The following PCDHA2 variants were observed in gnomAD, a reference collection of about 807,000 sequenced individuals.
PCDHA2 encodes the protein protocadherin alpha 2, also known as protocadherin alpha-2.
A neutral mutation model predicts 66.0 loss-of-function variants in PCDHA2; 58 were observed. The observed-to-expected ratio is 0.88, with a 90% CI of 0.71 to 1.09. The LOEUF is 1.09. PCDHA2 is among the 50% of genes least tolerant of loss of function. PCDHA2 has a pLI of 0.00. For missense variants in PCDHA2, 1,267 were observed against 1,242.3 expected (o/e 1.02, Z -0.30); for synonymous variants, 634 against 554.0 (o/e 1.14, Z -2.03).
chr5:140,983,901 AT>A (rs782712573), intron 3 of PCDHA2, among the ~76,000 whole-genome samples: 20 of 152,338 alleles, frequency 1.3e-4, no homozygotes, highest in Non-Finnish European at 2.6e-4. Context: ...GCATTCGTTG[AT>A]TCTAATCAGC....
intron 1 of PCDHA2, chr5:140,926,893 A>G: frequency 1.3e-6 from 2 of 1,547,320 alleles, no homozygotes; most frequent in Non-Finnish European, 1.7e-6. Context: ...TAGAGGGAGG[A>G]TGGTGGGCTG....
intron 1 of PCDHA2, chr5:140,834,281 C>T (rs1772882234): frequency 2.7e-6 from 3 of 1,125,172 alleles, no homozygotes; most frequent in South Asian, 1.5e-5. Flanking sequence ...TCTTTGGATG[C>T]ACAACAATGG....
intron 1 of PCDHA2, among the ~76,000 whole-genome samples, chr5:140,971,158 C>T (rs1554233066): frequency 6.6e-6 from 1 of 152,172 alleles, no homozygotes; most frequent in African/African-American, 2.4e-5. Context: ...AGGCCAGGCT[C>T]AGCTTTGCCA....
In PCDHA2 at chr5:141,010,583, G is replaced by A. The variant is rs1186884021; in HGVS notation, c.*646G>A. The A allele has an allele frequency of 4.1e-5, 10 of 242,992 alleles. No individual in the cohort carries two copies. The highest frequency in any genetic ancestry group is 3.6e-4 in the Admixed American group (7 of 19,606). 15.1% of individuals were successfully genotyped at this position (242,992 alleles called of 1,614,324 possible). A position where few individuals can be genotyped will look rare whatever the true frequency, so the allele number is the denominator to read the frequency against. The stretch of plus-strand genomic sequence containing the variant: ...TGACAAGGCTTTAGGAGACCCTAAA[G>A]TCTGTTGGCTGTGACGTCATTATAC... On this transcript the variant is annotated 3_prime_UTR_variant, in exon 4 of 4. Coordinates refer to ENST00000526136, the MANE Select transcript of PCDHA2 (RefSeq NM_018905.3).
intron 1 of PCDHA2, chr5:140,806,995 C>T (rs1049333207): frequency 1.5e-6 from 1 of 684,994 alleles, no homozygotes; most frequent in Non-Finnish European, 2.4e-6. Context: ...CACATGATGT[C>T]GCTCTTTACC....
At chr5:140,931,977 T>G (rs1207911799) in intron 1 of PCDHA2, among the ~76,000 whole-genome samples, 2 of 151,978 alleles carry the variant, frequency 1.3e-5, no homozygotes, top group Non-Finnish European at 2.9e-5. Flanking sequence ...TATGTGTTTA[T>G]ATTTTGCTCA....
intron 1 of PCDHA2, chr5:140,882,108 A>G: frequency 7.3e-7 from 1 of 1,370,912 alleles, no homozygotes; most frequent in Non-Finnish European, 9.8e-7. Flanking sequence ...TCCGCGAAGA[A>G]AGCCGCCGTT....
rs1581614390 is a variant in PCDHA2, at chr5:140,795,439, G to T, written c.475G>T (p.Asp159Tyr). Reference sequence around the variant, plus strand: ...TCGGTTTCCTCTAGAGGGAGCATCTGATGCAGATATAGGAGTAAATGCTCT... The same window carrying T: ...TCGGTTTCCTCTAGAGGGAGCATCTTATGCAGATATAGGAGTAAATGCTCT... ...DSRFPLEGAS[D>Y]ADIGVNALLS... Residue 159 changes from aspartate (D) to tyrosine (Y), a missense_variant, in exon 1 of 4, where the codon GAT (aspartate) becomes TAT (tyrosine). Asp to Tyr is a radical substitution (Grantham distance 160). Coordinates refer to ENST00000526136, the MANE Select transcript of PCDHA2 (RefSeq NM_018905.3). 6 of 1,614,186 alleles carry T rather than the reference G, an allele frequency of 3.7e-6. No individual in the cohort carries two copies. Among genetic ancestry groups the T allele is most frequent in the Admixed American group, 1.7e-5 (1 of 60,032 alleles).
At chr5:141,008,707 T>C (rs1255261995) in intron 3 of PCDHA2, among the ~76,000 whole-genome samples, 1 of 152,216 alleles carries the variant, frequency 6.6e-6, no homozygotes, top group Non-Finnish European at 1.5e-5. Flanking sequence ...TGGTTTCTAG[T>C]TGCTTGAGTG....
chr5:140,859,066 G>A (rs949613185), intron 1 of PCDHA2: 1 of 150,848 alleles, frequency 6.6e-6, no homozygotes, highest in Non-Finnish European at 1.5e-5. Flanking sequence ...TATTTTAGTT[G>A]TAGTGGTACC....
At chr5:140,927,265 C>T in intron 1 of PCDHA2, 1 of 1,614,168 alleles carries the variant, frequency 6.2e-7, no homozygotes. Context: ...ACCTCTCTTT[C>T]CTGCCGGCGA....
rs1554202548 is a variant in PCDHA2, at chr5:140,925,108, G to GGAA, written c.2389-53840_2389-53839insAAG. 5.0e-3 allele frequency among the ~76,000 whole-genome samples: 619 copies of GGAA among 124,770 alleles called. 3 individuals are homozygous for GGAA. Among genetic ancestry groups the GGAA allele is most frequent in the African/African-American group, 0.02 (595 of 30,200 alleles). The allele number at this position is 124,770 out of a possible 152,430, so 81.9% of individuals were successfully genotyped here. ...AAGGAAGGAAGGAAGGAAGGAAGGA[G>GGAA]GGAAGGAAGGAAGGAAAAAAAATTT... is the stretch of plus-strand genomic sequence containing the variant. On this transcript the variant is annotated intron_variant, in intron 1 of 3. Coordinates refer to ENST00000526136, the MANE Select transcript of PCDHA2 (RefSeq NM_018905.3).
intron 1 of PCDHA2, chr5:140,857,675 C>A: frequency 1.3e-6 from 2 of 1,597,044 alleles, no homozygotes; most frequent in Non-Finnish European, 1.7e-6. Context: ...GGGCGTGCCG[C>A]CTCTGGGCAG....
chr5:140,869,158 C>T (rs782164931), intron 1 of PCDHA2: 1 of 1,613,872 alleles, frequency 6.2e-7, no homozygotes, highest in East Asian at 2.2e-5. Context: ...GCTCTGGCTT[C>T]TCCTCCTCGA....
chr5:140,882,681 A>G, intron 1 of PCDHA2: 1 of 1,614,176 alleles, frequency 6.2e-7, no homozygotes, highest in Non-Finnish European at 8.5e-7. Context: ...GAAAGCAAGA[A>G]ACGAATAATC....
chr5:140,802,724 G>T (rs1305715476), intron 1 of PCDHA2: 9 of 1,612,466 alleles, frequency 5.6e-6, no homozygotes, highest in Non-Finnish European at 7.6e-6. Context: ...GCTACGTGTC[G>T]GTACACGCGG....
chr5:140,796,940 T>G lies in PCDHA2; in HGVS notation c.1976T>G (p.Leu659Trp), dbSNP rs781820194. The G allele has an allele frequency of 1.7e-5, 27 of 1,613,714 alleles. No individual in the cohort carries two copies. Among genetic ancestry groups the G allele is most frequent in the Non-Finnish European group, 2.3e-5 (27 of 1,179,968 alleles). The change falls in exon 1 of 4, where the codon TTG becomes TGG. Residue 659 changes from leucine to tryptophan, a missense_variant. Transcript: ENST00000526136. ...VLVKDHGEPA[L>W]TATATVLVSL... is the part of the protein sequence containing the mutation. Reference sequence around the variant, plus strand: ...GTGAAGGACCACGGCGAACCAGCGTTGACAGCCACGGCCACCGTGTTAGTG... The same window carrying G: ...GTGAAGGACCACGGCGAACCAGCGTGGACAGCCACGGCCACCGTGTTAGTG...
At chr5:140,998,940 A>G (rs2097841050) in intron 3 of PCDHA2, among the ~76,000 whole-genome samples, 1 of 152,222 alleles carries the variant, frequency 6.6e-6, no homozygotes, top group African/African-American at 2.4e-5. Context: ...AGATGAAGAA[A>G]CTGTAAGTCA....
intron 1 of PCDHA2, among the ~76,000 whole-genome samples, chr5:140,932,061 T>G (rs1009983968): frequency 5.3e-5 from 8 of 152,046 alleles, no homozygotes; most frequent in African/African-American, 1.9e-4. Flanking sequence ...TACTAAAAAT[T>G]ATCAGTTTAA....
Sources: allele counts gnomAD v4.1 joint callset (sites outside exome capture counted in the v4.1 genomes callset), GRCh38; gene constraint gnomAD v4.1.1; transcripts MANE v1.5; gene names NCBI Gene and HGNC (gene_info 2026-07-23, HGNC 2026-07-21).